Variants in CSTPP1 observed in about 807,000 individuals in gnomAD.
CSTPP1 encodes UPF0705 protein C11orf49.
At chr11:46,954,823 C>A in the CSTPP1 span, among the ~76,000 whole-genome samples, 1 of 150,398 alleles carries the variant, frequency 6.6e-6, no homozygotes, top group South Asian at 2.1e-4. Context: ...TTTTGAGTAC[C>A]AGTAAGTCTT....
chr11:47,161,206 G>C, the CSTPP1 span: 1 of 1,614,098 alleles, frequency 6.2e-7, no homozygotes, highest in African/African-American at 1.3e-5. Context: ...TGTCAAGTGG[G>C]AGGATACTGC....
At chr11:46,950,923 G>C in the CSTPP1 span, among the ~76,000 whole-genome samples, 1 of 152,076 alleles carries the variant, frequency 6.6e-6, no homozygotes. Flanking sequence ...CACCAGGCCT[G>C]GCCTGGAAAC....
the CSTPP1 span, chr11:47,023,256 T>C: frequency 6.6e-6 from 1 of 152,324 alleles, no homozygotes; most frequent in Non-Finnish European, 1.5e-5. Context: ...TTAAAAAATA[T>C]GATAAAACAT....
chr11:47,097,116 C>G, the CSTPP1 span, among the ~76,000 whole-genome samples: 16 of 138,630 alleles, frequency 1.2e-4, no homozygotes, highest in Non-Finnish European at 1.6e-4. Flanking sequence ...GTCAGCCCCC[C>G]GCCTGGCCAG....
the CSTPP1 span, among the ~76,000 whole-genome samples, chr11:47,092,441 T>C: frequency 4.6e-5 from 7 of 152,194 alleles, no homozygotes; most frequent in Non-Finnish European, 7.3e-5. Context: ...TATTTGGAGA[T>C]TTGTTGAAAC....
the CSTPP1 span, among the ~76,000 whole-genome samples, chr11:46,973,273 C>A: frequency 6.6e-6 from 1 of 152,066 alleles, no homozygotes; most frequent in Admixed American, 6.6e-5. Context: ...GGCCAAGGAG[C>A]CCTCTCCTTG....
chr11:47,109,657 C>G, the CSTPP1 span, among the ~76,000 whole-genome samples: 1 of 152,184 alleles, frequency 6.6e-6, no homozygotes, highest in Non-Finnish European at 1.5e-5. Flanking sequence ...TTTGCATGGA[C>G]TCCTTTGCCA....
chr11:47,021,663 A>G, the CSTPP1 span, among the ~76,000 whole-genome samples: 3 of 152,088 alleles, frequency 2.0e-5, no homozygotes, highest in African/African-American at 2.4e-5. Flanking sequence ...ATCCTGTGCT[A>G]ATAATTCAGC....
chr11:47,049,187 A>G, the CSTPP1 span, among the ~76,000 whole-genome samples: 9 of 151,772 alleles, frequency 5.9e-5, no homozygotes, highest in Admixed American at 2.6e-4. Flanking sequence ...AGGTTTCACT[A>G]TGTTGCCCAG....
chr11:47,133,133 A>G, the CSTPP1 span, among the ~76,000 whole-genome samples: 8 of 152,346 alleles, frequency 5.3e-5, no homozygotes, highest in East Asian at 1.5e-3. Context: ...CGAACAATCT[A>G]ACTCCAAAGT....
At chr11:47,004,160 GTTTTTGTTTTTGTT>G in the CSTPP1 span, among the ~76,000 whole-genome samples, 451 of 148,036 alleles carry the variant, frequency 3.0e-3, no homozygotes, top group Middle Eastern at 0.01. Flanking sequence ...TTACTGGTTT[GTTTTTGTTTTTGTT>G]TTTTTGTTTT....
At chr11:46,978,146 A>G in the CSTPP1 span, among the ~76,000 whole-genome samples, 1 of 152,256 alleles carries the variant, frequency 6.6e-6, no homozygotes, top group African/African-American at 2.4e-5. Context: ...TGAGTGTTAA[A>G]GGAAATAAAA....
At chr11:47,028,423 A>G in the CSTPP1 span, among the ~76,000 whole-genome samples, 14 of 152,218 alleles carry the variant, frequency 9.2e-5, no homozygotes, top group Non-Finnish European at 1.9e-4. Flanking sequence ...AATTTTGAAC[A>G]ATAGAATAAT....
the CSTPP1 span, among the ~76,000 whole-genome samples, chr11:47,108,513 CT>C: frequency 6.7e-6 from 1 of 150,186 alleles, no homozygotes; most frequent in East Asian, 1.9e-4. Context: ...TTTTTTTTTT[CT>C]TTTTTGATAA....
chr11:47,018,300 T>G, the CSTPP1 span, among the ~76,000 whole-genome samples: 9 of 144,830 alleles, frequency 6.2e-5, no homozygotes, highest in East Asian at 1.6e-3. Flanking sequence ...TTTTTTTTTT[T>G]TTTTTTTTTT....
chr11:47,064,198 T>C, the CSTPP1 span, among the ~76,000 whole-genome samples: 3 of 152,344 alleles, frequency 2.0e-5, no homozygotes, highest in East Asian at 5.8e-4. Context: ...TAGGAGTTCT[T>C]CATGTATTCT....
chr11:47,093,595 C>A, the CSTPP1 span, among the ~76,000 whole-genome samples: 1 of 152,100 alleles, frequency 6.6e-6, no homozygotes, highest in Non-Finnish European at 1.5e-5. Context: ...GGCAACATAG[C>A]GTAATGGTCA....
chr11:47,052,357 A>G, the CSTPP1 span: 1 of 1,599,126 alleles, frequency 6.3e-7, no homozygotes, highest in Non-Finnish European at 8.5e-7. Flanking sequence ...GATTCCATCT[A>G]ACAATGACTT....
the CSTPP1 span, among the ~76,000 whole-genome samples, chr11:47,063,055 A>AT: frequency 6.6e-6 from 1 of 152,190 alleles, no homozygotes; most frequent in African/African-American, 2.4e-5. Context: ...TTCTTGGTCC[A>AT]TTTATAATCA....
Sources: gnomAD v4.1 joint callset for allele counts (sites outside exome capture counted in the v4.1 genomes callset) on GRCh38, gnomAD v4.1.1 for gene constraint, MANE v1.5 for transcripts, NCBI Gene and HGNC (gene_info 2026-07-23, HGNC 2026-07-21) for gene names.